Variants in EIF4G3 observed in about 807,000 individuals in gnomAD.
EIF4G3 encodes the protein eukaryotic translation initiation factor 4 gamma 3.
EIF4G3 carries 34 observed loss-of-function variants against 186.4 expected under a neutral mutation model. The ratio of observed to expected loss-of-function variants is 0.18; its 90% CI spans 0.14 to 0.24. The LOEUF (loss-of-function observed/expected upper bound fraction) is 0.24, where lower values mean the gene tolerates loss of function less well. Among genes scored for constraint, EIF4G3 ranks in the 10% least tolerant of loss-of-function variants. The probability of loss-of-function intolerance (pLI) is 1.00; values close to 1 mark genes in which losing one functional copy is unlikely to be tolerated. For synonymous variants in EIF4G3, 673 were observed against 679.5 expected, an observed-to-expected ratio of 0.99 and a Z score of 0.15; for missense variants, 1,536 against 1,948.5, an observed-to-expected ratio of 0.79 and a Z score of 3.99.
intron 14 of EIF4G3, among the ~76,000 whole-genome samples, chr1:20,912,554 A>G (rs1490169584): frequency 2.0e-5 from 3 of 152,180 alleles, no homozygotes; most frequent in African/African-American, 7.2e-5. Context: ...TGAGACTGCG[A>G]AGACTTTCCA....
intron 14 of EIF4G3, among the ~76,000 whole-genome samples, chr1:20,933,378 C>T (rs990124740): frequency 6.6e-6 from 1 of 152,078 alleles, no homozygotes; most frequent in Non-Finnish European, 1.5e-5. Flanking sequence ...GGGCACCGGC[C>T]AGGCGTGGTG....
chr1:20,894,116 A>G lies in EIF4G3; in HGVS notation c.2134-480T>C, dbSNP rs567670015. ...GTGGACAATAAGTCTTAGAGGAGAC[A>G]TGTTTCATAGGTGATGATTCATTTA... is the stretch of plus-strand genomic sequence containing the variant. On this transcript the variant is annotated intron_variant, in intron 17 of 36. Coordinates refer to ENST00000602326, the MANE Select transcript of EIF4G3 (RefSeq NM_001391906.1). 1.8e-4 allele frequency among the ~76,000 whole-genome samples: 27 copies of G among 152,252 alleles called. No homozygotes were observed. In the South Asian group the frequency reaches 5.4e-3, roughly 30 times the overall value.
rs1476285544 is a variant in EIF4G3, at chr1:20,941,901, A to T, written c.1253T>A (p.Val418Asp). The T allele has an allele frequency of 5.6e-6, 9 of 1,613,994 alleles. No individual in the cohort carries two copies. The highest frequency in any genetic ancestry group is 6.8e-6 in the Non-Finnish European group (8 of 1,180,030). The change falls in exon 14 of 37, where the codon GTT becomes GAT. Residue 418 changes from valine (V) to aspartate (D), a missense_variant. Val to Asp is a radical substitution (Grantham distance 152). This residue lies in a region of EIF4G3 where 560 missense variants were observed against 547.8 expected (regional missense o/e 1.02). Coordinates refer to ENST00000602326, the MANE Select transcript of EIF4G3 (RefSeq NM_001391906.1). ...STNLINEING[V>D]SEKLSATESI... ...CTCCGTGGCTGATAATTTTTCGCTA[A>T]CTCCATTTATTTCATTAATTAGGTT...
In EIF4G3 at chr1:21,071,269, G is replaced by A. The variant is rs557177400; in HGVS notation, c.-196+17869C>T. Among the ~76,000 whole-genome samples, 11 of 152,126 alleles carry A rather than the reference G, an allele frequency of 7.2e-5. No homozygotes were observed. The East Asian group carries it at 1.2e-3, about 16-fold the overall frequency. ...AAAATGAAACAAAACAAAATTAGCC[G>A]GGCATGACGACATGCACCTGTAGTC... On this transcript the variant is annotated intron_variant, in intron 3 of 36. Transcript: ENST00000602326.
chr1:21,113,095 G>A (rs2096754443), intron 2 of EIF4G3, among the ~76,000 whole-genome samples: 1 of 142,362 alleles, frequency 7.0e-6, no homozygotes, highest in Admixed American at 7.3e-5. Context: ...AAGCTGCAGT[G>A]AGCTATGATT....
chr1:20,898,648 T>C (rs1442116219), intron 16 of EIF4G3, among the ~76,000 whole-genome samples: 3 of 152,202 alleles, frequency 2.0e-5, no homozygotes, highest in African/African-American at 7.2e-5. Flanking sequence ...TGAGGTCTGG[T>C]ATTTTACACT....
At chr1:20,885,195 C>T (rs1320892956) in intron 19 of EIF4G3, among the ~76,000 whole-genome samples, 1 of 152,152 alleles carries the variant, frequency 6.6e-6, no homozygotes, top group Non-Finnish European at 1.5e-5. Flanking sequence ...GGTTGGGGAT[C>T]CCCTGCTCTC....
intron 2 of EIF4G3, among the ~76,000 whole-genome samples, 191 bp from the exon 3 acceptor site, chr1:21,089,404 C>G (rs1409902169): frequency 6.6e-6 from 1 of 152,144 alleles, no homozygotes; most frequent in African/African-American, 2.4e-5. Context: ...CTTCAAAAGC[C>G]TTCCCATGAT....
chr1:20,973,492 G>A (rs1404241728), intron 10 of EIF4G3, among the ~76,000 whole-genome samples: 1 of 152,166 alleles, frequency 6.6e-6, no homozygotes, highest in Non-Finnish European at 1.5e-5. Context: ...GGTTTTGTCA[G>A]GGACAGAAGG....
intron 30 of EIF4G3, among the ~76,000 whole-genome samples, chr1:20,838,999 G>GA (rs1408425323): frequency 1.3e-5 from 2 of 152,088 alleles, no homozygotes; most frequent in Non-Finnish European, 2.9e-5. Flanking sequence ...TCTTTTTTGA[G>GA]AGGGAGTCTT....
chr1:20,980,894 A>C (rs1437275853), intron 9 of EIF4G3, among the ~76,000 whole-genome samples, 154 bp downstream of exon 9: 2 of 152,230 alleles, frequency 1.3e-5, no homozygotes, highest in African/African-American at 2.4e-5. Flanking sequence ...CAGCATAATG[A>C]AAAATCACAA....
intron 19 of EIF4G3, among the ~76,000 whole-genome samples, chr1:20,882,204 C>CG (rs1172369692): frequency 6.8e-6 from 1 of 147,750 alleles, no homozygotes; most frequent in Non-Finnish European, 1.5e-5. Flanking sequence ...CACACACACA[C>CG]ACACACACAC....
chr1:21,170,185 A>AT (rs921129107), intron 2 of EIF4G3, among the ~76,000 whole-genome samples: 1 of 151,722 alleles, frequency 6.6e-6, no homozygotes, highest in Middle Eastern at 3.2e-3. Context: ...TCAAAAATAA[A>AT]TAAATAAACA....
At chr1:21,127,596 A>AAGGTTAAGGAATAAGG (rs1399590418) in intron 2 of EIF4G3, among the ~76,000 whole-genome samples, 1 of 152,170 alleles carries the variant, frequency 6.6e-6, no homozygotes, top group African/African-American at 2.4e-5. Flanking sequence ...CCTTAACCCT[A>AAGGTTAAGGAATAAGG]CCTGTGCATA....
At position 20,853,657 on chromosome 1, in the gene EIF4G3, A is replaced by G. The variant is rs1304098941; in HGVS notation, c.3454T>C (p.Ser1152Pro). The G allele has an allele frequency of 3.7e-6, 6 of 1,611,718 alleles. No homozygotes were observed. The highest frequency in any genetic ancestry group is 5.1e-6 in the Non-Finnish European group (6 of 1,179,052). Reference sequence around the variant, plus strand: ...AGGGCAGAGAATCTGTTTAAACTGGAAGCACTTGACCGTAAGGCATCTACA... The same window carrying G: ...AGGGCAGAGAATCTGTTTAAACTGGGAGCACTTGACCGTAAGGCATCTACA... ...SETDALRSSA[S>P]SLNRFSALQP... Residue 1152 changes from serine to proline, a missense_variant, in exon 27 of 37, where the codon TCC becomes CCC. By Grantham distance (74) the Ser-to-Pro change is moderately conservative. This residue lies in a region of EIF4G3 where 395 missense variants were observed against 498.9 expected (regional missense o/e 0.79). Transcript: ENST00000602326.
chr1:21,022,416 GAATA>G (rs2090952360), intron 4 of EIF4G3, among the ~76,000 whole-genome samples: 1 of 152,160 alleles, frequency 6.6e-6, no homozygotes, highest in African/African-American at 2.4e-5. Flanking sequence ...ACTCTGTCGA[GAATA>G]AACAGACATC....
At chr1:21,104,033 A>G (rs2096572018) in intron 2 of EIF4G3, among the ~76,000 whole-genome samples, 1 of 152,140 alleles carries the variant, frequency 6.6e-6, no homozygotes, top group South Asian at 2.1e-4. Flanking sequence ...TTAGCTCCTC[A>G]ATTATAAAAT....
At chr1:20,934,942 C>T (rs191019221) in intron 14 of EIF4G3, among the ~76,000 whole-genome samples, 1 of 152,232 alleles carries the variant, frequency 6.6e-6, no homozygotes, top group East Asian at 1.9e-4. Context: ...ATTATTTTTA[C>T]AGCACTTAAA....
chr1:21,049,519 T>C (rs975116710), intron 4 of EIF4G3, among the ~76,000 whole-genome samples: 3 of 152,174 alleles, frequency 2.0e-5, no homozygotes, highest in African/African-American at 7.2e-5. Flanking sequence ...CCAAATTATA[T>C]AGGAATGATT....
Sources: allele counts gnomAD v4.1 joint callset (sites outside exome capture counted in the v4.1 genomes callset), GRCh38; gene constraint gnomAD v4.1.1; regional missense constraint gnomAD v4.1.1; transcripts MANE v1.5; gene names NCBI Gene and HGNC (gene_info 2026-07-23, HGNC 2026-07-21).